CAPN2: variants seen among roughly 807,000 people sequenced by gnomAD.
The protein encoded by CAPN2 is calpain-2 catalytic subunit.
Under a neutral mutation model 102.3 loss-of-function variants are expected in CAPN2, and 92 were observed. That is an observed-to-expected ratio of 0.90 (90% confidence interval 0.76 to 1.07). CAPN2 has a LOEUF of 1.07. CAPN2 is among the 50% of genes least tolerant of loss of function. The pLI, the probability that CAPN2 is intolerant of heterozygous loss-of-function variation, is 0.00. For missense variants in CAPN2, 800 were observed against 909.4 expected (o/e 0.88, Z 1.55); for synonymous variants, 340 against 355.4 (o/e 0.96, Z 0.49).
intron 2 of CAPN2, among the ~76,000 whole-genome samples, chr1:223,722,367 A>G (rs1213754148): frequency 2.2e-5 from 3 of 133,376 alleles, no homozygotes; most frequent in Admixed American, 9.2e-5. Context: ...AGCTCACTGC[A>G]GCCTCGACCT....
intron 1 of CAPN2, chr1:223,701,950 T>C (rs1306084777): frequency 2.3e-5 from 3 of 131,236 alleles, no homozygotes; most frequent in Admixed American, 8.9e-5. Flanking sequence ...GAGGTTGCAG[T>C]GAGCTGAGAT....
chr1:223,745,558 G>A (rs569092264), intron 4 of CAPN2, 119 bp downstream of exon 4: 3 of 1,171,752 alleles, frequency 2.6e-6, no homozygotes, highest in Admixed American at 1.8e-5. Flanking sequence ...ATCATTTGAG[G>A]TCAGGAGTTC....
intron 2 of CAPN2, among the ~76,000 whole-genome samples, chr1:223,742,182 G>A (rs377613029): frequency 1.3e-5 from 2 of 152,090 alleles, no homozygotes; most frequent in East Asian, 3.9e-4. Flanking sequence ...CCTGAGGTCA[G>A]GAGTTAAAGA....
intron 13 of CAPN2, 72 bp downstream of exon 13, chr1:223,761,689 C>G: frequency 2.3e-6 from 3 of 1,305,682 alleles, no homozygotes; most frequent in South Asian, 2.5e-5. Context: ...AAAAAAACTC[C>G]AAGAGTTTTT....
At chr1:223,750,779 G>A (rs991206252) in intron 6 of CAPN2, 111 bp from the exon 7 acceptor site, 73 of 959,368 alleles carry the variant, frequency 7.6e-5, no homozygotes, top group South Asian at 1.3e-4. Flanking sequence ...CCTCCCCACC[G>A]TCCTCAGCCC....
intron 10 of CAPN2, 125 bp from the exon 11 acceptor site, chr1:223,757,244 C>T (rs1306650379): frequency 6.7e-6 from 7 of 1,047,894 alleles, no homozygotes; most frequent in African/African-American, 3.1e-5. Flanking sequence ...AACAGTTACT[C>T]GGTTGAATTA....
chr1:223,707,586 T>G (rs1434653533), upstream of CAPN2, among the ~76,000 whole-genome samples: 1 of 152,206 alleles, frequency 6.6e-6, no homozygotes, highest in Non-Finnish European at 1.5e-5. Flanking sequence ...TTGGGGAAAG[T>G]AGTCATTGTA....
intron 17 of CAPN2, 177 bp from the exon 18 acceptor site, chr1:223,770,270 C>A: frequency 1.6e-6 from 1 of 607,062 alleles, no homozygotes; most frequent in Non-Finnish European, 3.0e-6. Flanking sequence ...CAAACCAGCT[C>A]ACAGACAGAA....
At position 223,744,143 on chromosome 1, in the gene CAPN2, T is replaced by G. The variant is rs1660690227; in HGVS notation, c.351T>G (p.Asn117Lys). 3.1e-6 allele frequency: 5 copies of G among 1,614,180 alleles called. No homozygotes were observed. The East Asian group carries it at 1.1e-4, about 36-fold the overall frequency. The change falls in exon 3 of 21, where the codon AAT becomes AAG. Residue 117 changes from asparagine (N) to lysine (K), a missense_variant. Physicochemically the swap from Asn to Lys is moderately conservative, Grantham distance 94. Transcript: ENST00000295006. ...CAGCCATTGCCTCCCTCACCTTGAA[T>G]GAAGAAATCCTGGCTCGAGTCGTCC... ...LLAAIASLTL[N>K]EEILARVVPL...
At chr1:223,738,663 C>T (rs1660527006) in intron 2 of CAPN2, among the ~76,000 whole-genome samples, 1 of 152,222 alleles carries the variant, frequency 6.6e-6, no homozygotes, top group African/African-American at 2.4e-5. Flanking sequence ...GAACAGCTGA[C>T]AGGAGCAGCC....
At chr1:223,761,654 T>A (rs745763883) in intron 13 of CAPN2, 37 bp downstream of exon 13, 1 of 1,573,816 alleles carries the variant, frequency 6.4e-7, no homozygotes, top group East Asian at 2.3e-5. Context: ...CACTCTGTCC[T>A]GGACAATCCA....
chr1:223,758,827 A>C (rs1661106462), intron 11 of CAPN2: 1 of 234,364 alleles, frequency 4.3e-6, no homozygotes, highest in African/African-American at 2.3e-5. Context: ...TGAGTAGCTG[A>C]GACTACAGGC....
intron 2 of CAPN2, among the ~76,000 whole-genome samples, chr1:223,721,569 G>C (rs974960826): frequency 6.6e-6 from 1 of 152,240 alleles, no homozygotes; most frequent in Admixed American, 6.5e-5. Context: ...CCCAGCAAAT[G>C]TTCCCTGGGC....
intron 9 of CAPN2, among the ~76,000 whole-genome samples, chr1:223,753,806 A>G (rs1176532162): frequency 1.3e-5 from 2 of 152,226 alleles, no homozygotes; most frequent in Non-Finnish European, 2.9e-5. Context: ...CCTTCAGCCT[A>G]TGTGTATAAA....
At chr1:223,743,874 T>C (rs1013176170) in intron 2 of CAPN2, among the ~76,000 whole-genome samples, 1 of 152,198 alleles carries the variant, frequency 6.6e-6, no homozygotes, top group Admixed American at 6.5e-5. Context: ...CCCTTTGCAT[T>C]TCCCTCAAAA....
chr1:223,756,790 A>C lies in CAPN2; in HGVS notation c.1306-579A>C, dbSNP rs7538151. Among the ~76,000 whole-genome samples the C allele has an allele frequency of 0.032, 4,875 of 152,292 alleles. 216 individuals are homozygous for C. Among genetic ancestry groups the C allele is most frequent in the East Asian group, 0.11 (548 of 5,188 alleles). On this transcript the variant is annotated intron_variant, in intron 10 of 20. Transcript: ENST00000295006. This position sits in a 1 kb window ranked among gnomAD's most constrained non-coding sequence, Gnocchi z 4.1. ...GGACTTCGGATCTGGGACAGAATCG[A>C]TCCAAGGACAATGCAAATGGAATTG...
intron 2 of CAPN2, among the ~76,000 whole-genome samples, chr1:223,720,764 A>AT (rs1292919118): frequency 6.6e-6 from 1 of 152,114 alleles, no homozygotes; most frequent in Non-Finnish European, 1.5e-5. Context: ...CACTGTACAG[A>AT]TAAAAAAAAA....
At chr1:223,747,693 T>C (rs145351675) in intron 5 of CAPN2, among the ~76,000 whole-genome samples, 103 of 152,322 alleles carry the variant, frequency 6.8e-4, no homozygotes, top group Admixed American at 2.0e-3. Flanking sequence ...ATTGTTTTCA[T>C]CTTTGGCAGG....
intron 2 of CAPN2, among the ~76,000 whole-genome samples, chr1:223,729,885 C>G (rs1660290612): frequency 6.6e-6 from 1 of 151,790 alleles, no homozygotes; most frequent in Non-Finnish European, 1.5e-5. Context: ...TGCCTGTAGT[C>G]CCAGCTACTC....
Sources: allele counts gnomAD v4.1 joint callset (sites outside exome capture counted in the v4.1 genomes callset), GRCh38; gene constraint gnomAD v4.1.1; non-coding constraint Gnocchi (gnomAD v3.1); transcripts MANE v1.5; gene names NCBI Gene and HGNC (gene_info 2026-07-23, HGNC 2026-07-21).